The following CCDC192 variants were observed in gnomAD, a reference collection of about 807,000 sequenced individuals.
The protein encoded by CCDC192 is coiled-coil domain containing 192.
At chr5:127,749,692 C>A (rs1481193082) in intron 2 of CCDC192, among the ~76,000 whole-genome samples, 3 of 152,118 alleles carry the variant, frequency 2.0e-5, no homozygotes, top group African/African-American at 7.2e-5. Flanking sequence ...GGAATGGTAC[C>A]AGTTCCTCCT....
chr5:127,758,690 A>T (rs140700303), intron 3 of CCDC192, among the ~76,000 whole-genome samples: 28 of 149,876 alleles, frequency 1.9e-4, no homozygotes, highest in East Asian at 5.8e-4. Flanking sequence ...GGTAATAGAT[A>T]AAAAAAAGGG....
chr5:127,782,629 T>A (rs1756297759), intron 3 of CCDC192, among the ~76,000 whole-genome samples: 1 of 152,326 alleles, frequency 6.6e-6, no homozygotes, highest in South Asian at 2.1e-4. Context: ...CCTTGAATGA[T>A]CTTTTGTATT....
At chr5:127,794,355 A>T (rs1252733502) in intron 3 of CCDC192, among the ~76,000 whole-genome samples, 1 of 152,210 alleles carries the variant, frequency 6.6e-6, no homozygotes, top group Non-Finnish European at 1.5e-5. Flanking sequence ...TCCTTTGATA[A>T]GTCATATAAT....
intron 1 of CCDC192, among the ~76,000 whole-genome samples, chr5:127,706,002 C>T (rs927830886): frequency 4.6e-5 from 7 of 152,162 alleles, no homozygotes; most frequent in South Asian, 2.1e-4. Context: ...GGGTGTCGTG[C>T]GAGAAAAGCA....
At chr5:127,913,015 T>C (rs1753419182) in intron 6 of CCDC192, among the ~76,000 whole-genome samples, 1 of 152,202 alleles carries the variant, frequency 6.6e-6, no homozygotes, top group African/African-American at 2.4e-5. Flanking sequence ...GCTAGCTGTA[T>C]TGTTTAGCCA....
At chr5:127,926,163 C>T (rs560973703) in intron 6 of CCDC192, among the ~76,000 whole-genome samples, 98 of 152,274 alleles carry the variant, frequency 6.4e-4, no homozygotes, top group African/African-American at 2.2e-3. Flanking sequence ...GAAGTTCTGC[C>T]GCTGCAATTG....
intron 3 of CCDC192, chr5:127,785,813 T>C (rs1756505197): frequency 3.1e-6 from 1 of 324,650 alleles, no homozygotes; most frequent in African/African-American, 2.2e-5. Flanking sequence ...ACTGGATAAA[T>C]AGGCCATCTT....
At chr5:127,794,301 A>G (rs1456632268) in intron 3 of CCDC192, among the ~76,000 whole-genome samples, 1 of 152,174 alleles carries the variant, frequency 6.6e-6, no homozygotes, top group African/African-American at 2.4e-5. Context: ...GTCAAACCTG[A>G]TGTCCACTAC....
At chr5:127,755,308 T>C (rs919350696) in intron 3 of CCDC192, among the ~76,000 whole-genome samples, 6 of 152,314 alleles carry the variant, frequency 3.9e-5, no homozygotes, top group African/African-American at 1.4e-4. Context: ...ATCAGAATTT[T>C]AGCGGAAACT....
intron 6 of CCDC192, among the ~76,000 whole-genome samples, chr5:127,929,140 C>A (rs1192855970): frequency 6.6e-6 from 1 of 152,186 alleles, no homozygotes; most frequent in African/African-American, 2.4e-5. Context: ...GATGATCCCA[C>A]TTGGCTGGTA....
Position 127,886,374 on chromosome 5 carries a change from C to G in CCDC192, c.535+10713C>G, listed in dbSNP as rs901858148. 5.9e-5 allele frequency among the ~76,000 whole-genome samples: 9 copies of G among 152,244 alleles called. 1 individual carries two copies. Among genetic ancestry groups the G allele is most frequent in the South Asian group, 4.1e-4 (2 of 4,820 alleles). ...GAGGAGCCCTCAGTCACAGACTGAA[C>G]TTGTATTATTATACAGTTGACCCTT... is the stretch of plus-strand genomic sequence containing the variant. On this transcript the variant is annotated intron_variant, in intron 6 of 6. Coordinates refer to ENST00000514853, the MANE Select transcript of CCDC192 (RefSeq NM_001317938.2).
chr5:127,891,145 G>C (rs544200618), intron 6 of CCDC192, among the ~76,000 whole-genome samples: 1 of 152,108 alleles, frequency 6.6e-6, no homozygotes, highest in African/African-American at 2.4e-5. Flanking sequence ...TCAGCCTCCC[G>C]GGTTCAAGCA....
At chr5:127,824,318 C>T (rs369913060) in intron 5 of CCDC192, among the ~76,000 whole-genome samples, 2 of 152,148 alleles carry the variant, frequency 1.3e-5, no homozygotes, top group African/African-American at 2.4e-5. Flanking sequence ...CGGAATTGCT[C>T]AATGTCCCAT....
At chr5:127,768,214 T>C (rs929045617) in intron 3 of CCDC192, among the ~76,000 whole-genome samples, 4 of 151,916 alleles carry the variant, frequency 2.6e-5, no homozygotes, top group Admixed American at 1.3e-4. Flanking sequence ...ATCCCACCAC[T>C]GCACTCCAGC....
At chr5:127,839,288 A>G (rs924529826) in intron 5 of CCDC192, among the ~76,000 whole-genome samples, 7 of 152,252 alleles carry the variant, frequency 4.6e-5, no homozygotes, top group Non-Finnish European at 1.0e-4. Context: ...CACAGAACAT[A>G]TAATAGCAAG....
At chr5:127,766,357 A>G (rs1339986551) in intron 3 of CCDC192, among the ~76,000 whole-genome samples, 2 of 152,186 alleles carry the variant, frequency 1.3e-5, no homozygotes, top group Admixed American at 6.5e-5. Context: ...AAAAAGTTCT[A>G]GAGAGGACAT....
At chr5:127,749,910 T>C (rs1325312597) in intron 2 of CCDC192, among the ~76,000 whole-genome samples, 1 of 152,180 alleles carries the variant, frequency 6.6e-6, no homozygotes, top group Admixed American at 6.5e-5. Flanking sequence ...TAGAGGTGTT[T>C]ATAGTATTCT....
chr5:127,739,235 G>T (rs926648266), intron 2 of CCDC192, among the ~76,000 whole-genome samples: 8 of 152,174 alleles, frequency 5.3e-5, no homozygotes, highest in African/African-American at 1.9e-4. Flanking sequence ...TCCCAGTTAG[G>T]CTGCCCGGGG....
At chr5:127,786,093 C>T in intron 3 of CCDC192, 1 of 872,772 alleles carries the variant, frequency 1.1e-6, no homozygotes, top group Non-Finnish European at 1.9e-6. Context: ...ACATGTGTCC[C>T]AAATCTTCAT....
Sources: allele counts gnomAD v4.1 joint callset (sites outside exome capture counted in the v4.1 genomes callset), GRCh38; gene constraint gnomAD v4.1.1; transcripts MANE v1.5; gene names NCBI Gene and HGNC (gene_info 2026-07-23, HGNC 2026-07-21).